Variants in OR2L13 observed in about 807,000 individuals in gnomAD.
The protein encoded by OR2L13 is olfactory receptor family 2 subfamily L member 13, also known as olfactory receptor 2L13.
In OR2L13, 14 loss-of-function variants were observed where a neutral mutation model predicts 15.3. The ratio of observed to expected loss-of-function variants is 0.91; its 90% confidence interval spans 0.60 to 1.43. The LOEUF (loss-of-function observed/expected upper bound fraction) is 1.43, where lower values mean the gene tolerates loss of function less well. OR2L13 is among the 40% of genes most tolerant of loss of function. The probability of loss-of-function intolerance (pLI) is 0.00; values close to 1 mark genes in which losing one functional copy is unlikely to be tolerated. For missense variants in OR2L13, 367 were observed against 387.9 expected (o/e 0.95, Z 0.45); for synonymous variants, 152 against 142.9 (o/e 1.06, Z -0.45).
the OR2L13 span, among the ~76,000 whole-genome samples, chr1:248,027,147 C>T: frequency 2.0e-5 from 3 of 152,120 alleles, no homozygotes; most frequent in Non-Finnish European, 2.9e-5. Context: ...CTAAAATGGC[C>T]ACTTTGGGGA....
At chr1:248,013,535 A>AGAAGGACT in the OR2L13 span, 1 of 152,166 alleles carries the variant, frequency 6.6e-6, no homozygotes, top group Non-Finnish European at 1.5e-5. Flanking sequence ...CTCCAGGTAA[A>AGAAGGACT]GAAGGACTGG....
At chr1:248,021,003 A>C in the OR2L13 span, among the ~76,000 whole-genome samples, 1 of 151,928 alleles carries the variant, frequency 6.6e-6, no homozygotes, top group East Asian at 1.9e-4. Flanking sequence ...CAGCTTTAGA[A>C]GTAAGTGTTA....
the OR2L13 span, among the ~76,000 whole-genome samples, chr1:247,938,655 CAT>C: frequency 2.0e-5 from 3 of 152,148 alleles, no homozygotes; most frequent in African/African-American, 7.2e-5. Flanking sequence ...CCCACACACA[CAT>C]GCACACATAC....
the OR2L13 span, among the ~76,000 whole-genome samples, chr1:247,993,887 G>A: frequency 6.6e-6 from 1 of 152,138 alleles, no homozygotes; most frequent in Non-Finnish European, 1.5e-5. Flanking sequence ...ATTGGTACCT[G>A]TGGGACCTAG....
chr1:247,965,858 T>C, the OR2L13 span: 2 of 1,613,858 alleles, frequency 1.2e-6, no homozygotes, highest in South Asian at 1.1e-5. Context: ...ATACATACAT[T>C]GTATGTGTTT....
At chr1:247,977,555 A>G in the OR2L13 span, among the ~76,000 whole-genome samples, 1 of 152,146 alleles carries the variant, frequency 6.6e-6, no homozygotes, top group Admixed American at 6.5e-5. Context: ...CTATTCTCAT[A>G]AAGTGAAGAA....
the OR2L13 span, among the ~76,000 whole-genome samples, chr1:248,088,108 T>C: frequency 6.6e-6 from 1 of 152,192 alleles, no homozygotes; most frequent in Non-Finnish European, 1.5e-5. Flanking sequence ...ATGTTAATGG[T>C]TTTAAATACC....
the OR2L13 span, among the ~76,000 whole-genome samples, chr1:248,032,904 T>C: frequency 6.6e-6 from 1 of 152,184 alleles, no homozygotes; most frequent in African/African-American, 2.4e-5. Flanking sequence ...TGTTTAATTT[T>C]TGAAGAAATT....
the OR2L13 span, among the ~76,000 whole-genome samples, chr1:248,044,189 G>A: frequency 0.014 from 2,080 of 152,184 alleles, 21 homozygotes; most frequent in Non-Finnish European, 0.018. Context: ...CTGACAAAAC[G>A]AGTGGACAAT....
chr1:248,026,101 TAAAAA>T, the OR2L13 span, among the ~76,000 whole-genome samples: 4 of 151,954 alleles, frequency 2.6e-5, no homozygotes, highest in East Asian at 1.9e-4. Context: ...AGTATAATAA[TAAAAA>T]AAGAAAAATC....
chr1:248,064,591 T>G, the OR2L13 span, among the ~76,000 whole-genome samples: 23 of 152,206 alleles, frequency 1.5e-4, no homozygotes, highest in Non-Finnish European at 3.1e-4. Flanking sequence ...TAAGCAGTGG[T>G]GCCCAGTTCA....
the OR2L13 span, among the ~76,000 whole-genome samples, chr1:248,031,328 T>G: frequency 6.6e-6 from 1 of 152,192 alleles, no homozygotes; most frequent in South Asian, 2.1e-4. Context: ...TCATGAGATA[T>G]TGTAACATCG....
the OR2L13 span, among the ~76,000 whole-genome samples, chr1:248,000,861 A>C: frequency 6.6e-6 from 1 of 151,746 alleles, no homozygotes; most frequent in Admixed American, 6.6e-5. Context: ...AAATAATTCT[A>C]CTTGTTTTTA....
At chr1:247,963,071 G>A in the OR2L13 span, among the ~76,000 whole-genome samples, 1 of 152,150 alleles carries the variant, frequency 6.6e-6, no homozygotes, top group Non-Finnish European at 1.5e-5. Flanking sequence ...GAATTCAAGA[G>A]CAAGCCAACA....
chr1:248,086,148 C>T, the OR2L13 span, among the ~76,000 whole-genome samples: 6 of 151,912 alleles, frequency 3.9e-5, no homozygotes, highest in African/African-American at 1.4e-4. Flanking sequence ...TTTATGTTGC[C>T]ATTTTTTCAT....
the OR2L13 span, among the ~76,000 whole-genome samples, chr1:248,044,456 C>T: frequency 6.6e-6 from 1 of 152,172 alleles, no homozygotes; most frequent in South Asian, 2.1e-4. Context: ...CACTCACTCT[C>T]CACCAATCAG....
chr1:247,967,851 T>TCTC, the OR2L13 span, among the ~76,000 whole-genome samples: 8 of 149,908 alleles, frequency 5.3e-5, no homozygotes, highest in Non-Finnish European at 1.0e-4. Context: ...TCTTCCTCCT[T>TCTC]CTCCTCCTCC....
chr1:248,057,476 T>A, the OR2L13 span, among the ~76,000 whole-genome samples: 1 of 152,214 alleles, frequency 6.6e-6, no homozygotes, highest in African/African-American at 2.4e-5. Flanking sequence ...TTTCCTTTTT[T>A]CCTTTTGCTT....
chr1:247,961,373 T>C, the OR2L13 span, among the ~76,000 whole-genome samples: 10 of 152,124 alleles, frequency 6.6e-5, no homozygotes, highest in South Asian at 2.1e-4. Context: ...TTGGAAGGAA[T>C]TGGGCATGTG....
Sources: gnomAD v4.1 joint callset for allele counts (sites outside exome capture counted in the v4.1 genomes callset) on GRCh38, gnomAD v4.1.1 for gene constraint, MANE v1.5 for transcripts, NCBI Gene and HGNC (gene_info 2026-07-23, HGNC 2026-07-21) for gene names.